The following ZFPM2 variants were observed in gnomAD, a reference collection of about 807,000 sequenced individuals.
The protein encoded by ZFPM2 is zinc finger protein ZFPM2.
A neutral mutation model predicts 98.6 loss-of-function variants in ZFPM2; 20 were observed. The ratio of observed to expected loss-of-function variants is 0.20; its 90% CI spans 0.14 to 0.29. ZFPM2 has a LOEUF of 0.29. ZFPM2 is among the 10% of genes least tolerant of loss of function. The probability of loss-of-function intolerance (pLI) is 1.00; values close to 1 mark genes in which losing one functional copy is unlikely to be tolerated. For missense variants in ZFPM2, 1,310 were observed against 1,388.6 expected (o/e 0.94, Z 0.90); for synonymous variants, 518 against 502.7 (o/e 1.03, Z -0.41).
At chr8:105,326,995 A>C (rs1812127194) in intron 1 of ZFPM2, among the ~76,000 whole-genome samples, 1 of 151,478 alleles carries the variant, frequency 6.6e-6, no homozygotes, top group Non-Finnish European at 1.5e-5. Context: ...AATGAATTTA[A>C]AAATTATTTT....
chr8:105,599,013 G>C (rs58587585), intron 4 of ZFPM2, among the ~76,000 whole-genome samples: 12 of 152,104 alleles, frequency 7.9e-5, no homozygotes, highest in Admixed American at 6.6e-4. Flanking sequence ...AATCACACTA[G>C]CTAGCATGGC....
At chr8:105,527,739 T>C (rs1814206177) in intron 3 of ZFPM2, among the ~76,000 whole-genome samples, 1 of 152,150 alleles carries the variant, frequency 6.6e-6, no homozygotes, top group Admixed American at 6.6e-5. Flanking sequence ...GGGGAGCTAA[T>C]TGGAAATGCA....
intron 3 of ZFPM2, among the ~76,000 whole-genome samples, chr8:105,448,356 G>T (rs1812416788): frequency 6.6e-6 from 1 of 151,592 alleles, no homozygotes; most frequent in Non-Finnish European, 1.5e-5. Context: ...TTCTTTGATT[G>T]TCCTCACAAA....
chr8:105,558,679 T>G (rs1309614785), intron 3 of ZFPM2, among the ~76,000 whole-genome samples: 4 of 152,162 alleles, frequency 2.6e-5, no homozygotes, highest in Non-Finnish European at 5.9e-5. Flanking sequence ...ATGAAATATG[T>G]CAGTGGCAGA....
At chr8:105,783,341 T>C (rs1269748738) in intron 5 of ZFPM2, among the ~76,000 whole-genome samples, 2 of 149,746 alleles carry the variant, frequency 1.3e-5, no homozygotes, top group Non-Finnish European at 3.0e-5. Context: ...ACAGAGGATG[T>C]TTTGTAGTGA....
At chr8:105,680,218 A>AT (rs1451161306) in intron 5 of ZFPM2, among the ~76,000 whole-genome samples, 1 of 152,104 alleles carries the variant, frequency 6.6e-6, no homozygotes, top group Non-Finnish European at 1.5e-5. Flanking sequence ...CAAGTCTTCC[A>AT]TTTTCTTTTT....
In ZFPM2 at chr8:105,371,595, C is replaced by G. The variant is rs542133425; in HGVS notation, c.41-47549C>G. 6.6e-5 allele frequency among the ~76,000 whole-genome samples: 10 copies of G among 152,264 alleles called. 1 individual carries two copies. The highest frequency in any genetic ancestry group is 5.2e-4 in the Admixed American group (8 of 15,294). ...GTAAACAGATCGAGATATACACTCTCAAGTGGTTATACAAACTCAAATTCA... is the reference window on the plus strand; with the variant it reads ...GTAAACAGATCGAGATATACACTCTGAAGTGGTTATACAAACTCAAATTCA... On this transcript the variant is annotated intron_variant, in intron 1 of 7. Coordinates refer to ENST00000407775, the MANE Select transcript of ZFPM2 (RefSeq NM_012082.4).
intron 1 of ZFPM2, among the ~76,000 whole-genome samples, chr8:105,322,783 A>G (rs984809150): frequency 6.6e-6 from 1 of 152,096 alleles, no homozygotes; most frequent in African/African-American, 2.4e-5. Flanking sequence ...TGTTCTGGTT[A>G]GAGAATAATC....
intron 5 of ZFPM2, among the ~76,000 whole-genome samples, chr8:105,683,951 A>G (rs1810671232): frequency 6.6e-6 from 1 of 152,154 alleles, no homozygotes; most frequent in Non-Finnish European, 1.5e-5. Context: ...ATGTTGTTGA[A>G]TGAGTGAATG....
At chr8:105,786,978 CTTG>C (rs1029426111) in intron 5 of ZFPM2, 3 of 152,164 alleles carry the variant, frequency 2.0e-5, no homozygotes, top group Admixed American at 2.0e-4. Flanking sequence ...ATTGTGGTTT[CTTG>C]TTGTGTCTCC....
At position 105,644,498 on chromosome 8, in the gene ZFPM2, C is replaced by G. The variant is rs1017742599; in HGVS notation, c.532+10141C>G. 7.9e-5 allele frequency among the ~76,000 whole-genome samples: 12 copies of G among 151,338 alleles called. No homozygotes were observed. In the East Asian group the frequency reaches 1.6e-3, roughly 20 times the overall value. On this transcript the variant is annotated intron_variant, in intron 5 of 7. Coordinates refer to ENST00000407775, the MANE Select transcript of ZFPM2 (RefSeq NM_012082.4). Reference sequence around the variant, plus strand: ...CTACCCTGTCTAAAATGCTCTGTCTCTCTCTCTTTCTGTTTTTCTCTCTCT... The same window carrying G: ...CTACCCTGTCTAAAATGCTCTGTCTGTCTCTCTTTCTGTTTTTCTCTCTCT...
chr8:105,441,780 C>T (rs1812256745), intron 2 of ZFPM2, among the ~76,000 whole-genome samples: 1 of 152,012 alleles, frequency 6.6e-6, no homozygotes, highest in South Asian at 2.1e-4. Context: ...CAAACGGATA[C>T]CATAAACCTC....
chr8:105,576,505 T>C (rs1207792118), intron 4 of ZFPM2, among the ~76,000 whole-genome samples: 2 of 152,170 alleles, frequency 1.3e-5, no homozygotes, highest in Non-Finnish European at 2.9e-5. Context: ...AGATTTAACG[T>C]TCTTGTTTTG....
intron 4 of ZFPM2, among the ~76,000 whole-genome samples, chr8:105,565,180 A>G (rs1291021810): frequency 6.6e-6 from 1 of 152,166 alleles, no homozygotes. Flanking sequence ...CAAGTACATT[A>G]GCAATATGCC....
intron 3 of ZFPM2, among the ~76,000 whole-genome samples, chr8:105,489,444 GTT>G (rs869285056): frequency 0.11 from 13,359 of 122,828 alleles, 737 homozygotes; most frequent in South Asian, 0.14. Flanking sequence ...ATAGATATAT[GTT>G]TTTATATATA....
chr8:105,641,659 T>G (rs1816950794), intron 5 of ZFPM2, among the ~76,000 whole-genome samples: 1 of 152,126 alleles, frequency 6.6e-6, no homozygotes, highest in Non-Finnish European at 1.5e-5. Context: ...TTTACTGTTA[T>G]GTTAGTGATT....
chr8:105,801,646 G>A lies in ZFPM2; in HGVS notation c.1564G>A (p.Glu522Lys). Residue 522 changes from glutamate to lysine, a missense_variant, in exon 8 of 8, where the codon GAA becomes AAA. By Grantham distance (56) the Glu-to-Lys change is moderately conservative. Transcript: ENST00000407775. ...TTCAGAGATCTTAGCTAAGATGTCT[G>A]AACTGGTGCATCGGCGACTGAGGCA... ...QASEILAKMS[E>K]LVHRRLRHGS... 1 of 1,613,626 alleles carries A rather than the reference G, an allele frequency of 6.2e-7. No homozygotes were observed. Among genetic ancestry groups the A allele is most frequent in the South Asian group, 1.1e-5 (1 of 91,070 alleles).
At chr8:105,651,759 TTTGAATTATTATGTA>T (rs1817183119) in intron 5 of ZFPM2, among the ~76,000 whole-genome samples, 1 of 152,120 alleles carries the variant, frequency 6.6e-6, no homozygotes, top group Admixed American at 6.5e-5. Flanking sequence ...CCCACTGAAT[TTTGAATTATTATGTA>T]ATGAGATTTA....
chr8:105,793,011 C>T (rs577069291), intron 6 of ZFPM2, among the ~76,000 whole-genome samples: 1 of 152,244 alleles, frequency 6.6e-6, no homozygotes, highest in Admixed American at 6.5e-5. Flanking sequence ...CTGAATACAA[C>T]ACACTGATGA....
Sources: allele counts gnomAD v4.1 joint callset (sites outside exome capture counted in the v4.1 genomes callset), GRCh38; gene constraint gnomAD v4.1.1; transcripts MANE v1.5; gene names NCBI Gene and HGNC (gene_info 2026-07-23, HGNC 2026-07-21).